The following STARD9 variants were observed in gnomAD, a reference collection of about 807,000 sequenced individuals.
STARD9 encodes the protein stAR-related lipid transfer protein 9.
STARD9 carries 346 observed loss-of-function variants against 399.8 expected under a neutral mutation model. That is an observed-to-expected ratio of 0.87 (90% CI 0.79 to 0.95). STARD9 has a LOEUF of 0.95. Among genes scored for constraint, STARD9 ranks in the 40% least tolerant of loss-of-function variants. The probability of loss-of-function intolerance (pLI) is 0.00; values close to 1 mark genes in which losing one functional copy is unlikely to be tolerated. For missense variants in STARD9, 5,832 were observed against 5,667.5 expected (o/e 1.03, Z -0.93); for synonymous variants, 2,203 against 2,143.5 (o/e 1.03, Z -0.77).
intron 26 of STARD9, among the ~76,000 whole-genome samples, chr15:42,707,213 G>A (rs1442549616): frequency 6.6e-6 from 1 of 152,142 alleles, no homozygotes; most frequent in Non-Finnish European, 1.5e-5. Flanking sequence ...GCCAGATTTT[G>A]GCAGGACTTT....
At chr15:42,656,644 G>A (rs896880856) in intron 9 of STARD9, among the ~76,000 whole-genome samples, 28 of 152,288 alleles carry the variant, frequency 1.8e-4, no homozygotes, top group African/African-American at 6.0e-4. Flanking sequence ...ACATTCAGCC[G>A]TGAAAAGGCA....
At chr15:42,638,447 A>AGT (rs2059461943) in intron 6 of STARD9, among the ~76,000 whole-genome samples, 1 of 152,104 alleles carries the variant, frequency 6.6e-6, no homozygotes, top group Non-Finnish European at 1.5e-5. Flanking sequence ...CGGAGGTTGC[A>AGT]GTGAGCCAAG....
chr15:42,597,994 A>ATGTG (rs1191600880), intron 3 of STARD9, among the ~76,000 whole-genome samples: 1 of 51,622 alleles, frequency 1.9e-5, no homozygotes, highest in Non-Finnish European at 5.3e-5. Context: ...GTGTTTGTAT[A>ATGTG]TATATATGTG....
Position 42,682,429 on chromosome 15 carries a change from C to T in STARD9, c.2391C>T (p.Leu797=), listed in dbSNP as rs975281968. ...AGAAGCTCACGACATTGTGCTGGCT[C>T]CAGGATGACAGCACCCAGGAGCCCC... ...RLEKLTTLCW[L]QDDSTQEPPY... is the part of the protein sequence containing the mutation. The change falls in exon 22 of 33, where the codon CTC becomes CTT. Residue 797 remains leucine, a synonymous_variant. Transcript: ENST00000290607. 4 of 1,537,082 alleles carry T rather than the reference C, an allele frequency of 2.6e-6. No homozygotes were observed. The highest frequency in any genetic ancestry group is 2.7e-5 in the African/African-American group (2 of 73,032).
intron 25 of STARD9, 115 bp from the exon 26 acceptor site, chr15:42,695,628 G>A: frequency 8.1e-7 from 1 of 1,232,050 alleles, no homozygotes; most frequent in African/African-American, 1.5e-5. Flanking sequence ...CTGGGAGGTG[G>A]GTGAAGGAGC....
chr15:42,715,479 A>G (rs1050989540), intron 26 of STARD9, among the ~76,000 whole-genome samples: 1 of 152,032 alleles, frequency 6.6e-6, no homozygotes, highest in Non-Finnish European at 1.5e-5. Context: ...CCAGGAGTCT[A>G]AGACCAACAT....
In STARD9 at chr15:42,718,152, C is replaced by T; in HGVS notation, c.13735C>T (p.Gln4579Ter). The part of the protein sequence containing the change: ...YKPIQTARLH[Q>*]RVTNSISLVY... Reference sequence around the variant, plus strand: ...GCCCATCCAGACAGCAAGGCTGCATCAGCGAGTGACCAACAGCATCAGCCT... The same window carrying T: ...GCCCATCCAGACAGCAAGGCTGCATTAGCGAGTGACCAACAGCATCAGCCT... Residue 4579 changes from glutamine to a stop codon, truncating the protein, a stop_gained, in exon 30 of 33, where the codon CAG (glutamine) becomes TAG (stop). Coordinates refer to ENST00000290607, the MANE Select transcript of STARD9 (RefSeq NM_020759.3). LOFTEE classifies it high-confidence loss of function. 6.5e-7 allele frequency: 1 copy of T among 1,537,058 alleles called. No individual in the cohort carries two copies. Among genetic ancestry groups the T allele is most frequent in the Non-Finnish European group, 8.7e-7 (1 of 1,146,890 alleles).
chr15:42,594,465 A>G (rs996549700), intron 3 of STARD9, among the ~76,000 whole-genome samples: 1 of 152,236 alleles, frequency 6.6e-6, no homozygotes, highest in Non-Finnish European at 1.5e-5. Context: ...GTACGTAATT[A>G]GGACACGAAG....
chr15:42,636,103 TCTAGGCAA>T (rs2059413597), intron 4 of STARD9, among the ~76,000 whole-genome samples: 1 of 152,042 alleles, frequency 6.6e-6, no homozygotes, highest in Admixed American at 6.6e-5. Flanking sequence ...TTGAGAACAG[TCTAGGCAA>T]CATAGGGAGA....
At chr15:42,661,067 A>T in intron 9 of STARD9, 91 bp from the exon 10 acceptor site, 1 of 977,912 alleles carries the variant, frequency 1.0e-6, no homozygotes, top group Non-Finnish European at 1.5e-6. Context: ...ATTGGATAAA[A>T]ATCCAAAATA....
chr15:42,601,640 T>C (rs1264194319), intron 3 of STARD9, among the ~76,000 whole-genome samples: 2 of 151,774 alleles, frequency 1.3e-5, no homozygotes, highest in Non-Finnish European at 2.9e-5. Flanking sequence ...TTCCCGGATA[T>C]ATCTGTTTTT....
At chr15:42,699,282 C>T (rs568780484) in intron 26 of STARD9, among the ~76,000 whole-genome samples, 3 of 152,070 alleles carry the variant, frequency 2.0e-5, no homozygotes, top group African/African-American at 7.2e-5. Context: ...TCCTTTCTAA[C>T]TTTGTACCTG....
At chr15:42,597,226 G>A (rs931298708) in intron 3 of STARD9, among the ~76,000 whole-genome samples, 1 of 152,108 alleles carries the variant, frequency 6.6e-6, no homozygotes, top group Non-Finnish European at 1.5e-5. Context: ...CTCCCATGTA[G>A]CTGGGACCTT....
At position 42,719,556 on chromosome 15, in the gene STARD9, T is replaced by C; in HGVS notation, c.14085T>C (p.Ala4695=). Residue 4695 remains alanine (A), a synonymous_variant, in exon 33 of 33, where the codon GCT becomes GCC. Coordinates refer to ENST00000290607, the MANE Select transcript of STARD9 (RefSeq NM_020759.3). Reference sequence around the variant, plus strand: ...AGCCACTGGTTATAGCCAGACTGGCTTCCTTCCTTGGTAGGTAGCATCTCA... The same window carrying C: ...AGCCACTGGTTATAGCCAGACTGGCCTCCTTCCTTGGTAGGTAGCATCTCA... ...KRQPLVIARL[A]SFLGR 6.5e-7 allele frequency: 1 copy of C among 1,536,512 alleles called. No individual in the cohort carries two copies. Among genetic ancestry groups the C allele is most frequent in the Non-Finnish European group, 8.7e-7 (1 of 1,146,306 alleles).
chr15:42,637,967 C>T (rs1566893774), intron 5 of STARD9, 28 bp downstream of exon 5: 1 of 1,537,288 alleles, frequency 6.5e-7, no homozygotes, highest in African/African-American at 1.4e-5. Context: ...GCTGGATCCT[C>T]TCAAAGTAGG....
Position 42,622,706 on chromosome 15 carries a change from G to A in STARD9, c.235-12150G>A, listed in dbSNP as rs75617784. Among the ~76,000 whole-genome samples, 373 of 152,278 alleles carry A rather than the reference G, an allele frequency of 2.4e-3. 1 individual carries two copies. Among genetic ancestry groups the A allele is most frequent in the African/African-American group, 8.3e-3 (346 of 41,554 alleles). ...TGAACTTTCCAAGGTTGACAGTGAG[G>A]TATTAAGAGATGACAAATGGAAGTA... On this transcript the variant is annotated intron_variant, in intron 3 of 32. Transcript: ENST00000290607.
intron 9 of STARD9, 114 bp downstream of exon 9, chr15:42,652,706 C>CAAA: frequency 5.2e-6 from 5 of 960,206 alleles, no homozygotes; most frequent in Non-Finnish European, 7.9e-6. Flanking sequence ...GACAGGGTCT[C>CAAA]AGTCTGTTGC....
At chr15:42,626,034 G>A (rs1229309217) in intron 3 of STARD9, among the ~76,000 whole-genome samples, 1 of 151,936 alleles carries the variant, frequency 6.6e-6, no homozygotes, top group Non-Finnish European at 1.5e-5. Context: ...TTATTCTCCT[G>A]CCTCAGCTTC....
At chr15:42,669,080 G>C in intron 15 of STARD9, 78 bp from the exon 16 acceptor site, 1 of 1,253,118 alleles carries the variant, frequency 8.0e-7, no homozygotes, top group Non-Finnish European at 1.1e-6. Flanking sequence ...GGGGAAATAG[G>C]AATAGATTGT....
Sources: gnomAD v4.1 joint callset for allele counts (sites outside exome capture counted in the v4.1 genomes callset) on GRCh38, gnomAD v4.1.1 for gene constraint, MANE v1.5 for transcripts, NCBI Gene and HGNC (gene_info 2026-07-23, HGNC 2026-07-21) for gene names.